Variants in PNPLA1 observed in about 807,000 individuals in gnomAD.
The protein encoded by PNPLA1 is omega-hydroxyceramide transacylase.
In PNPLA1, 36 loss-of-function variants were observed where a neutral mutation model predicts 51.7. The observed-to-expected ratio is 0.70, with a 90% CI of 0.53 to 0.92. The LOEUF (loss-of-function observed/expected upper bound fraction) is 0.92, where lower values mean the gene tolerates loss of function less well. PNPLA1 is among the 40% of genes least tolerant of loss of function. The probability of loss-of-function intolerance (pLI) is 0.00; values close to 1 mark genes in which losing one functional copy is unlikely to be tolerated. For missense variants in PNPLA1, 658 were observed against 682.5 expected, an observed-to-expected ratio of 0.96 and a Z score of 0.40; for synonymous variants, 293 against 280.1, an observed-to-expected ratio of 1.05 and a Z score of -0.46.
rs554086857 is a variant in PNPLA1, at chr6:36,301,113, C to T, written c.776-748C>T. 1.8e-4 allele frequency among the ~76,000 whole-genome samples: 17 copies of T among 94,734 alleles called. No homozygotes were observed. In the East Asian group the frequency reaches 3.0e-3, roughly 16 times the overall value. The allele number at this position is 94,734 out of a possible 152,430, so 62.1% of individuals were successfully genotyped here. ...GTGGCCTAGATAAACGCCATCCCCC[C>T]GCCCCCCCACCCACCCACTATTTTT... On this transcript the variant is annotated intron_variant, in intron 5 of 8. Transcript: ENST00000636260.
chr6:36,270,398 GCTC>G lies in PNPLA1; in HGVS notation c.-61_-59del. 2 of 1,523,506 alleles carry G rather than the reference GCTC, an allele frequency of 1.3e-6. No individual in the cohort carries two copies. Among genetic ancestry groups the G allele is most frequent in the Non-Finnish European group, 1.8e-6 (2 of 1,124,198 alleles). The allele number at this position is 1,523,506 out of a possible 1,614,324, so 94.4% of individuals were successfully genotyped here. A position where few individuals can be genotyped will look rare whatever the true frequency, so the allele number is the denominator to read the frequency against. On this transcript the variant is annotated 5_prime_UTR_variant, in exon 1 of 9. Coordinates refer to ENST00000636260, the MANE Select transcript of PNPLA1 (RefSeq NM_001374623.1). The stretch of plus-strand genomic sequence containing the variant: ...GTTCCTACAGGGAGCGGCAGCCCAG[GCTC>G]GGGCAGGCAAGTGCTGAAGGGTGGC...
At chr6:36,246,347 G>A (rs1769282098) in intron 1 of PNPLA1, among the ~76,000 whole-genome samples, 1 of 151,930 alleles carries the variant, frequency 6.6e-6, no homozygotes, top group African/African-American at 2.4e-5. Flanking sequence ...TGGGATTACA[G>A]GTGCGCCCAC....
At chr6:36,269,962 G>T (rs1029250938), upstream of PNPLA1, among the ~76,000 whole-genome samples, 2 of 152,222 alleles carry the variant, frequency 1.3e-5, no homozygotes, top group East Asian at 1.9e-4. Flanking sequence ...CTTCACGGCC[G>T]CAGCAGCATG....
chr6:36,289,472 T>G (rs929834942), intron 1 of PNPLA1, among the ~76,000 whole-genome samples: 1 of 152,176 alleles, frequency 6.6e-6, no homozygotes, highest in Non-Finnish European at 1.5e-5. Flanking sequence ...TGTTGGCACA[T>G]GGTAAGGCTA....
chr6:36,291,152 G>A (rs547470879), intron 1 of PNPLA1, among the ~76,000 whole-genome samples, 168 bp from the exon 2 acceptor site: 12 of 152,298 alleles, frequency 7.9e-5, no homozygotes, highest in South Asian at 2.1e-4. Context: ...TCTTGCTTCC[G>A]TCATGTGCAA....
At chr6:36,251,276 T>A (rs376168466) in intron 1 of PNPLA1, among the ~76,000 whole-genome samples, 3 of 152,160 alleles carry the variant, frequency 2.0e-5, no homozygotes, top group African/African-American at 7.2e-5. Context: ...CAGGCTGGAG[T>A]ACAGTGATGC....
chr6:36,269,639 C>T (rs188905712), upstream of PNPLA1, among the ~76,000 whole-genome samples: 2 of 152,260 alleles, frequency 1.3e-5, no homozygotes, highest in East Asian at 3.9e-4. Flanking sequence ...GTCGAGAGGG[C>T]ACTGACCAAG....
intron 1 of PNPLA1, among the ~76,000 whole-genome samples, chr6:36,260,270 C>T (rs776874251): frequency 1.3e-5 from 2 of 152,012 alleles, no homozygotes; most frequent in Non-Finnish European, 2.9e-5. Flanking sequence ...GCCTGGGTGA[C>T]AGAGTATGAC....
chr6:36,281,314 T>C (rs1450107077), intron 1 of PNPLA1, among the ~76,000 whole-genome samples: 1 of 152,190 alleles, frequency 6.6e-6, no homozygotes, highest in Non-Finnish European at 1.5e-5. Context: ...TCAAAATGTC[T>C]TCATTAAAAA....
At chr6:36,247,490 C>T (rs998530294) in intron 1 of PNPLA1, among the ~76,000 whole-genome samples, 13 of 152,348 alleles carry the variant, frequency 8.5e-5, no homozygotes, top group Middle Eastern at 6.8e-3. Flanking sequence ...GGCTATGTCC[C>T]TGCTGCTCTG....
intron 1 of PNPLA1, among the ~76,000 whole-genome samples, chr6:36,258,870 A>G (rs761007273): frequency 1.3e-5 from 2 of 152,312 alleles, no homozygotes; most frequent in South Asian, 4.1e-4. Flanking sequence ...TGCTTATCCC[A>G]ATCTCACCTG....
chr6:36,309,173 G>A (rs1771332794), intron 8 of PNPLA1, among the ~76,000 whole-genome samples: 1 of 152,186 alleles, frequency 6.6e-6, no homozygotes, highest in African/African-American at 2.4e-5. Flanking sequence ...GATGAGTGGT[G>A]GGAAGCAGTA....
chr6:36,257,129 T>C (rs767044932), intron 1 of PNPLA1, among the ~76,000 whole-genome samples: 9 of 152,124 alleles, frequency 5.9e-5, no homozygotes, highest in Non-Finnish European at 1.0e-4. Flanking sequence ...CAATTTAATA[T>C]CTTCCAGAGA....
chr6:36,259,332 G>A lies in PNPLA1; in HGVS notation c.-81+16071G>A, dbSNP rs139107188. ...ACTTTCATGGGGTTATTGCTTTGCA[G>A]GTTATCTGGGGAACTCCTCCAAAAC... On this transcript the variant is annotated intron_variant, in intron 1 of 7. Transcript: ENST00000312917. Among the ~76,000 whole-genome samples the A allele has an allele frequency of 5.9e-5, 9 of 152,276 alleles. No homozygotes were observed. The East Asian group carries it at 1.7e-3, about 29-fold the overall frequency.
At chr6:36,268,528 T>G (rs1235887610), upstream of PNPLA1, among the ~76,000 whole-genome samples, 1 of 152,038 alleles carries the variant, frequency 6.6e-6, no homozygotes, top group African/African-American at 2.4e-5. Flanking sequence ...CTCTTGCTGC[T>G]CCTCGACCAG....
chr6:36,284,555 T>TCATCCATC (rs66750925), intron 1 of PNPLA1, among the ~76,000 whole-genome samples: 3,600 of 148,410 alleles, frequency 0.024, 92 homozygotes, highest in East Asian at 0.087. Context: ...ATCCATCCAC[T>TCATCCATC]CATCCATCCA....
Position 36,306,276 on chromosome 6 carries a change from A to G in PNPLA1, c.1385-16A>G, listed in dbSNP as rs1418848595. On this transcript the variant is annotated splice_polypyrimidine_tract_variant and intron_variant, in intron 6 of 8. Coordinates refer to ENST00000636260, the MANE Select transcript of PNPLA1 (RefSeq NM_001374623.1). ...CCTCCCCATCTCACTCCCGTTTCCT[A>G]TATCTTTACTTTTAGCTGTAGCTCT... 10 of 1,600,534 alleles carry G rather than the reference A, an allele frequency of 6.2e-6. No individual in the cohort carries two copies. Among genetic ancestry groups the G allele is most frequent in the East Asian group, 4.5e-5 (2 of 44,608 alleles).
At chr6:36,282,233 G>GGAAGGAAGGAAA (rs1770338375) in intron 1 of PNPLA1, among the ~76,000 whole-genome samples, 5 of 138,140 alleles carry the variant, frequency 3.6e-5, no homozygotes, top group Admixed American at 7.3e-5. Flanking sequence ...AAGGAAGGAA[G>GGAAGGAAGGAAA]GAAAGAAAGA....
chr6:36,268,653 G>T (rs1007673727), upstream of PNPLA1, among the ~76,000 whole-genome samples: 5 of 152,176 alleles, frequency 3.3e-5, no homozygotes, highest in African/African-American at 9.7e-5. Flanking sequence ...TTTCTGGCAG[G>T]AATCTCAGCC....
Sources: gnomAD v4.1 joint callset for allele counts (sites outside exome capture counted in the v4.1 genomes callset) on GRCh38, gnomAD v4.1.1 for gene constraint, MANE v1.5 for transcripts, NCBI Gene and HGNC (gene_info 2026-07-23, HGNC 2026-07-21) for gene names.